NAV3: variants seen among roughly 807,000 people sequenced by gnomAD.
NAV3 encodes neuron navigator 3.
A neutral mutation model predicts 244.7 loss-of-function variants in NAV3; 87 were observed. The ratio of observed to expected loss-of-function variants is 0.36; its 90% CI spans 0.30 to 0.42. The LOEUF (loss-of-function observed/expected upper bound fraction) is 0.42, where lower values mean the gene tolerates loss of function less well. NAV3 is among the 20% of genes least tolerant of loss of function. The pLI, the probability that NAV3 is intolerant of heterozygous loss-of-function variation, is 1.00. For synonymous variants in NAV3, 1,126 were observed against 1,042.2 expected, an observed-to-expected ratio of 1.08 and a Z score of -1.55; for missense variants, 2,663 against 2,893.3, an observed-to-expected ratio of 0.92 and a Z score of 1.83.
At chr12:77,620,571 C>G (rs929500973) in intron 2 of NAV3, among the ~76,000 whole-genome samples, 6 of 151,928 alleles carry the variant, frequency 3.9e-5, no homozygotes, top group Non-Finnish European at 2.9e-5. Flanking sequence ...AAGTGATTCT[C>G]TTGCCTCAGC....
At chr12:77,822,964 T>C (rs1872808774) in intron 2 of NAV3, among the ~76,000 whole-genome samples, 1 of 152,188 alleles carries the variant, frequency 6.6e-6, no homozygotes, top group African/African-American at 2.4e-5. Flanking sequence ...AGGGATCATA[T>C]TTACTTCCCT....
intron 2 of NAV3, among the ~76,000 whole-genome samples, chr12:77,741,146 G>GA (rs1393220189): frequency 1.4e-3 from 10 of 7,364 alleles, no homozygotes; most frequent in African/African-American, 2.7e-3. Context: ...AAAAAAAAAA[G>GA]ACAAAAAAAA....
chr12:77,750,670 G>A (rs1335621528), intron 2 of NAV3, among the ~76,000 whole-genome samples: 1 of 152,100 alleles, frequency 6.6e-6, no homozygotes, highest in African/African-American at 2.4e-5. Context: ...GGATCTCAGG[G>A]CTCCATTTAA....
chr12:77,778,942 T>C (rs868527537), intron 2 of NAV3, among the ~76,000 whole-genome samples: 3 of 152,222 alleles, frequency 2.0e-5, no homozygotes, highest in Non-Finnish European at 2.9e-5. Context: ...TGGTATGTAA[T>C]GTGTGTGTTG....
intron 7 of NAV3, 130 bp downstream of exon 7, chr12:77,998,606 CCTAA>C: frequency 1.1e-6 from 1 of 902,726 alleles, no homozygotes; most frequent in Non-Finnish European, 1.6e-6. Context: ...CTTTATGTTT[CCTAA>C]CTGTCCCCTC....
rs748856436 is a variant in NAV3, at chr12:78,133,116, A to G, written c.4442-4061A>G. On this transcript the variant is annotated intron_variant, in intron 18 of 39. Transcript: ENST00000397909. ...TCTGTCGACTCCCTTATGTTTCAAC[A>G]TTTTCACCCATTGGAAGGTATAAAA... Among the ~76,000 whole-genome samples the G allele has an allele frequency of 8.7e-4, 133 of 152,198 alleles. 1 individual carries two copies. Among genetic ancestry groups the G allele is most frequent in the Admixed American group, 1.4e-3 (22 of 15,286 alleles).
intron 1 of NAV3, among the ~76,000 whole-genome samples, chr12:77,882,431 C>T (rs1446356542): frequency 6.6e-6 from 1 of 152,084 alleles, no homozygotes; most frequent in South Asian, 2.1e-4. Context: ...AAAATTAACT[C>T]AAAATGGATT....
intron 3 of NAV3, among the ~76,000 whole-genome samples, chr12:77,945,959 A>ATGTTGGCCAGGCTGGTTT (rs1890298374): frequency 6.6e-6 from 1 of 151,250 alleles, no homozygotes; most frequent in Non-Finnish European, 1.5e-5. Context: ...GGGTTTTGCC[A>ATGTTGGCCAGGCTGGTTT]TGTTGGCCAG....
chr12:78,193,913 C>G (rs1959090648), intron 34 of NAV3, among the ~76,000 whole-genome samples: 1 of 152,048 alleles, frequency 6.6e-6, no homozygotes, highest in Admixed American at 6.6e-5. Flanking sequence ...CTCTCTCTCT[C>G]TTTCTGACAT....
At chr12:77,843,527 T>A in intron 1 of NAV3, among the ~76,000 whole-genome samples, 1 of 152,160 alleles carries the variant, frequency 6.6e-6, no homozygotes, top group Middle Eastern at 3.4e-3. Context: ...ATTCCTATTT[T>A]TTTTTTTTAG....
Position 78,137,157 on chromosome 12 carries a change from C to T in NAV3, c.4442-20C>T. 6.2e-7 allele frequency: 1 copy of T among 1,602,876 alleles called. No individual in the cohort carries two copies. Among genetic ancestry groups the T allele is most frequent in the African/African-American group, 1.3e-5 (1 of 74,634 alleles). ...CTTTCAAGCTTAAGAGTAATAGGCT[C>T]TGTGTGTTTTGTTTTTCAGTGAGCC... On this transcript the variant is annotated intron_variant, in intron 18 of 39. Coordinates refer to ENST00000397909, the MANE Select transcript of NAV3 (RefSeq NM_001024383.2).
chr12:77,940,241 C>A, intron 1 of NAV3, 78 bp from the exon 2 acceptor site: 4 of 1,027,322 alleles, frequency 3.9e-6, no homozygotes, highest in Non-Finnish European at 5.9e-6. Flanking sequence ...CCCTTTGAAT[C>A]CAACATTTGT....
chr12:77,793,237 G>T (rs1520725), intron 2 of NAV3, among the ~76,000 whole-genome samples: 54,369 of 152,036 alleles, frequency 0.36, 10,683 homozygotes, highest in East Asian at 0.46. Flanking sequence ...AGATCAGGAA[G>T]ATTTCATTGA....
At chr12:77,860,489 A>G (rs1343210658) in intron 1 of NAV3, among the ~76,000 whole-genome samples, 1 of 151,686 alleles carries the variant, frequency 6.6e-6, no homozygotes, top group Non-Finnish European at 1.5e-5. Flanking sequence ...GCAAACCTCT[A>G]TTAAAATGTT....
intron 1 of NAV3, among the ~76,000 whole-genome samples, chr12:77,862,892 TGGA>T (rs1187538063): frequency 6.6e-6 from 1 of 151,682 alleles, no homozygotes; most frequent in African/African-American, 2.4e-5. Context: ...TATTCAATTT[TGGA>T]AGGTCATGTA....
intron 2 of NAV3, among the ~76,000 whole-genome samples, chr12:77,713,095 C>T (rs1021901350): frequency 6.6e-6 from 1 of 152,130 alleles, no homozygotes; most frequent in East Asian, 1.9e-4. Flanking sequence ...ATTGCCAGGC[C>T]CAAGAAATGG....
chr12:77,919,126 G>A (rs1887459076), intron 1 of NAV3, among the ~76,000 whole-genome samples: 1 of 152,036 alleles, frequency 6.6e-6, no homozygotes, highest in African/African-American at 2.4e-5. Flanking sequence ...TCTTAGGATT[G>A]GAGTGGGTAT....
At position 78,177,565 on chromosome 12, in the gene NAV3, C is replaced by T; in HGVS notation, c.5298-55C>T. The T allele has an allele frequency of 6.7e-6, 10 of 1,492,150 alleles. No homozygotes were observed. In the South Asian group the frequency reaches 1.0e-4, roughly 16 times the overall value. The allele number at this position is 1,492,150 out of a possible 1,614,324, so 92.4% of individuals were successfully genotyped here. A position where few individuals can be genotyped will look rare whatever the true frequency, so the allele number is the denominator to read the frequency against. ...CTCCAGTTTTCTGAATCATGATTCT[C>T]ACTTCTTTTCATGGGCATTTGTCCA... On this transcript the variant is annotated intron_variant, in intron 27 of 39. Coordinates refer to ENST00000397909, the MANE Select transcript of NAV3 (RefSeq NM_001024383.2).
At chr12:77,698,041 G>T (rs113301389) in intron 2 of NAV3, among the ~76,000 whole-genome samples, 10 of 152,122 alleles carry the variant, frequency 6.6e-5, no homozygotes, top group African/African-American at 2.4e-4. Context: ...GCAGGAAGGG[G>T]ATAAAGGGAT....
Sources: gnomAD v4.1 joint callset for allele counts (sites outside exome capture counted in the v4.1 genomes callset) on GRCh38, gnomAD v4.1.1 for gene constraint, MANE v1.5 for transcripts, NCBI Gene and HGNC (gene_info 2026-07-23, HGNC 2026-07-21) for gene names.